BCOR: variants seen among roughly 807,000 people sequenced by gnomAD.
BCOR encodes the protein BCL-6 corepressor.
Under a neutral mutation model 86.7 loss-of-function variants are expected in BCOR, and 10 were observed. The observed-to-expected ratio is 0.12, with a 90% CI of 0.07 to 0.20. The LOEUF (loss-of-function observed/expected upper bound fraction) is 0.20, where lower values mean the gene tolerates loss of function less well. Ranked by LOEUF, BCOR falls within the 10% of genes least tolerant of loss-of-function variation. BCOR has a pLI of 1.00. For synonymous variants in BCOR, 611 were observed against 609.0 expected, an observed-to-expected ratio of 1.00 and a Z score of -0.05; for missense variants, 1,259 against 1,452.1, an observed-to-expected ratio of 0.87 and a Z score of 2.16.
At chrX:40,139,530 G>A (rs2147951047) in intron 1 of BCOR, among the ~76,000 whole-genome samples, 1 of 74,634 alleles carries the variant, frequency 1.3e-5, no homozygotes, top group African/African-American at 4.5e-5. Context: ...AGCCTTAATA[G>A]GCCAGGCGCA....
At chrX:40,105,096 TCAG>T (rs1022885841) in intron 1 of BCOR, among the ~76,000 whole-genome samples, 1 of 110,863 alleles carries the variant, frequency 9.0e-6, no homozygotes, top group Non-Finnish European at 1.9e-5. Context: ...GCCCGCCATA[TCAG>T]CAGCAGCGGC....
At position 40,143,544 on chromosome X, in the gene BCOR, A is replaced by G. The variant is rs1043539920; in HGVS notation, c.-41+33463T>C. 5.3e-5 allele frequency among the ~76,000 whole-genome samples: 6 copies of G among 112,793 alleles called. 1 individual carries two copies. The highest frequency in any genetic ancestry group is 1.1e-4 in the Non-Finnish European group (6 of 53,386). ...GTCTGGCTAGGGACAAGACAGAGGA[A>G]CCATAATCAACTTTAATAAAACGAA... On this transcript the variant is annotated intron_variant, in intron 1 of 14. Coordinates refer to the BCOR transcript ENST00000342274.
intron 1 of BCOR, among the ~76,000 whole-genome samples, chrX:40,139,482 T>C (rs1288234229): frequency 1.3e-4 from 2 of 15,181 alleles, no homozygotes; most frequent in Non-Finnish European, 9.3e-5. Context: ...TATATATATA[T>C]ATATATATAT....
At chrX:40,093,454 G>C (rs930472834) in intron 1 of BCOR, among the ~76,000 whole-genome samples, 2 of 111,408 alleles carry the variant, frequency 1.8e-5, no homozygotes, top group African/African-American at 6.5e-5. Flanking sequence ...TTTATGTATA[G>C]GGTAACCCAT....
At chrX:40,106,038 G>GC (rs776868851) in intron 1 of BCOR, among the ~76,000 whole-genome samples, 1 of 112,302 alleles carries the variant, frequency 8.9e-6, no homozygotes, top group African/African-American at 3.2e-5. Context: ...TACTCCACCC[G>GC]CCCCCCTCCA....
At chrX:40,075,734 G>T (rs887192910) in intron 3 of BCOR, among the ~76,000 whole-genome samples, 1 of 111,121 alleles carries the variant, frequency 9.0e-6, no homozygotes, top group African/African-American at 3.3e-5. Flanking sequence ...ACTCCAGGCC[G>T]GGCGACACAG....
chrX:40,120,441 C>A (rs1039573493), intron 1 of BCOR, among the ~76,000 whole-genome samples: 1 of 112,116 alleles, frequency 8.9e-6, no homozygotes, highest in Non-Finnish European at 1.9e-5. Flanking sequence ...ACTCCCCAAA[C>A]CGACCCTTCA....
chrX:40,088,294 T>G (rs1323376278), intron 1 of BCOR, among the ~76,000 whole-genome samples: 1 of 112,707 alleles, frequency 8.9e-6, no homozygotes, highest in East Asian at 2.8e-4. Context: ...GTCCATACAC[T>G]ACCTTTAAAA....
At chrX:40,143,912 G>C (rs1250546268) in intron 1 of BCOR, among the ~76,000 whole-genome samples, 2 of 112,502 alleles carry the variant, frequency 1.8e-5, no homozygotes, top group African/African-American at 6.5e-5. Context: ...AGTCGAGATC[G>C]GGCCATTGCA....
chrX:40,177,143 A>G (rs1200787461), exon 1 of BCOR: 2 of 110,223 alleles, frequency 1.8e-5, no homozygotes, highest in Non-Finnish European at 3.8e-5. Context: ...TCTCAGATCG[A>G]AAGAGCCACT....
chrX:40,074,924 G>A lies in BCOR; in HGVS notation c.422C>T (p.Pro141Leu), dbSNP rs794727646. The change falls in exon 4 of 15, where the codon CCC becomes CTC. Residue 141 changes from proline to leucine, a missense_variant. Physicochemically the swap from Pro to Leu is moderately conservative, Grantham distance 98. Coordinates refer to ENST00000378444, the MANE Select transcript of BCOR (RefSeq NM_001123385.2). ...TVEASAVSGK[P>L]PNGFSAIYKT... ...GTATATAGCACTGAAGCCATTTGGG[G>A]GTTTTCCAGAGACGGCAGAAGCCTC... 9 of 1,211,181 alleles carry A rather than the reference G, an allele frequency of 7.4e-6. No homozygotes were observed. The highest frequency in any genetic ancestry group is 1.0e-5 in the Non-Finnish European group (9 of 895,380).
At chrX:40,105,794 G>A (rs1012724693) in intron 1 of BCOR, among the ~76,000 whole-genome samples, 1 of 113,006 alleles carries the variant, frequency 8.8e-6, no homozygotes, top group Non-Finnish European at 1.9e-5. Context: ...GCGACAGAGC[G>A]CGAAGCCAGA....
intron 1 of BCOR, among the ~76,000 whole-genome samples, chrX:40,176,264 C>T (rs1012319810): frequency 8.9e-6 from 1 of 112,608 alleles, no homozygotes; most frequent in Non-Finnish European, 1.9e-5. Flanking sequence ...CTCGCCCGCT[C>T]TTCCGGGGGA....
chrX:40,169,841 C>T (rs1366410645), intron 1 of BCOR, among the ~76,000 whole-genome samples: 1 of 109,098 alleles, frequency 9.2e-6, no homozygotes, highest in Non-Finnish European at 1.9e-5. Flanking sequence ...CGGCGCTGCA[C>T]GGGGGGCAAT....
intron 1 of BCOR, among the ~76,000 whole-genome samples, chrX:40,082,209 G>A (rs781711998): frequency 4.5e-5 from 5 of 111,598 alleles, no homozygotes; most frequent in Non-Finnish European, 9.4e-5. Flanking sequence ...CAGGTCCCAA[G>A]CCTTGGCCCC....
At chrX:40,159,919 A>G (rs1458892644) in intron 1 of BCOR, among the ~76,000 whole-genome samples, 2 of 112,183 alleles carry the variant, frequency 1.8e-5, no homozygotes, top group African/African-American at 6.5e-5. Context: ...AAAAAATCTT[A>G]CAAGAAAGGA....
intron 1 of BCOR, among the ~76,000 whole-genome samples, chrX:40,147,155 C>T (rs1393720915): frequency 9.9e-5 from 11 of 111,153 alleles, no homozygotes; most frequent in Non-Finnish European, 1.9e-4. Context: ...ACTCTGGATA[C>T]CCTCGTCCCA....
intron 1 of BCOR, among the ~76,000 whole-genome samples, chrX:40,146,234 C>G (rs1448922863): frequency 9.0e-6 from 1 of 111,487 alleles, no homozygotes; most frequent in Non-Finnish European, 1.9e-5. Context: ...GGGCTCCGCT[C>G]CCGCGGAGGC....
intron 1 of BCOR, among the ~76,000 whole-genome samples, chrX:40,129,856 C>T (rs1054224084): frequency 2.7e-5 from 3 of 110,276 alleles, no homozygotes; most frequent in Non-Finnish European, 5.7e-5. Flanking sequence ...GCCTGGACAA[C>T]ATGACGAAAC....
Sources: gnomAD v4.1 joint callset for allele counts (sites outside exome capture counted in the v4.1 genomes callset) on GRCh38, gnomAD v4.1.1 for gene constraint, MANE v1.5 for transcripts, NCBI Gene and HGNC (gene_info 2026-07-23, HGNC 2026-07-21) for gene names.